RNF207: variants seen among roughly 807,000 people sequenced by gnomAD.
RNF207 encodes the protein ring finger protein 207, also known as OTTHUMG00000001089.
RNF207 carries 72 observed loss-of-function variants against 79.0 expected under a neutral mutation model. That is an observed-to-expected ratio of 0.91 (90% CI 0.75 to 1.11). RNF207 has a LOEUF of 1.11. Among genes scored for constraint, RNF207 ranks in the 50% least tolerant of loss-of-function variants. The pLI is 0.00. For missense variants in RNF207, 936 were observed against 855.8 expected (o/e 1.09, Z -1.17); for synonymous variants, 348 against 366.2 (o/e 0.95, Z 0.57).
chr1:6,219,360 CAG>C lies in RNF207; in HGVS notation c.1860_1861del (p.Asn622TrpfsTer92), dbSNP rs1228543142. ...AAATATGGATCATCACAGATCCAAA[CAG>C]AAAAATGGGGGCGATGTCCCCACAT... ...LKNMDHHRSK[Q>X]KNGGDVPTWR... is the part of the protein sequence containing the mutation. On this transcript the variant is annotated frameshift_variant, in exon 18 of 18. Coordinates refer to ENST00000377939, the MANE Select transcript of RNF207 (RefSeq NM_207396.3). LOFTEE classifies it low-confidence loss of function (END_TRUNC). The C allele has an allele frequency of 9.9e-6, 16 of 1,611,680 alleles. No homozygotes were observed. The highest frequency in any genetic ancestry group is 1.3e-5 in the Non-Finnish European group (15 of 1,179,336).
chr1:6,208,700 GC>G, intron 3 of RNF207, 180 bp from the exon 4 acceptor site: 1 of 607,422 alleles, frequency 1.6e-6, no homozygotes, highest in Non-Finnish European at 2.8e-6. Flanking sequence ...GAGCCGCAGT[GC>G]CCTCCTCTGT....
chr1:6,209,295 G>A lies in RNF207; in HGVS notation c.579G>A (p.Leu193=), dbSNP rs1217623870. 1.3e-6 allele frequency: 2 copies of A among 1,548,554 alleles called. No homozygotes were observed. Among genetic ancestry groups the A allele is most frequent in the African/African-American group, 2.7e-5 (2 of 73,162 alleles). Residue 193 remains leucine (L), a synonymous_variant, in exon 6 of 18, where the codon CTG becomes CTA. Transcript: ENST00000377939. ...AGAGCCGGGCACACTGCGTGGACCT[G>A]GAATCGGCTTACGTGCAGGGCTGCG... ...QKESRAHCVD[L]ESAYVQGCER...
At chr1:6,218,215 G>C (rs1668425615) in intron 16 of RNF207, 74 bp from the exon 17 acceptor site, 2 of 988,554 alleles carry the variant, frequency 2.0e-6, no homozygotes, top group Non-Finnish European at 3.2e-6. Context: ...GTCTGGTTCT[G>C]AGGTTTCTGA....
Position 6,209,163 on chromosome 1 carries a change from T to C in RNF207, c.518T>C (p.Leu173Pro). 1.3e-6 allele frequency: 2 copies of C among 1,557,440 alleles called. No homozygotes were observed. The highest frequency in any genetic ancestry group is 1.7e-6 in the Non-Finnish European group (2 of 1,150,140). ...YLLFSTDKKL[L>P]LCIRCFRDMQ... ...TTGTTCTCCACCGACAAGAAGTTGC[T>C]GTTGTGCATCCGCTGCTTCCGCGAC... is the stretch of plus-strand genomic sequence containing the variant. The change falls in exon 5 of 18, where the codon CTG (leucine) becomes CCG (proline). Residue 173 changes from leucine to proline, a missense_variant. Transcript: ENST00000377939.
rs1399310821 is a variant in RNF207, at chr1:6,208,893, A to G, written c.337A>G (p.Thr113Ala). Residue 113 changes from threonine to alanine, a missense_variant, in exon 4 of 18, where the codon ACG becomes GCG. Thr to Ala is a moderately conservative substitution (Grantham distance 58). Transcript: ENST00000377939. ...GCTCGGCCCGCAGGACGTGGAGACC[A>G]CGTACTTCTGCAACACGTGCGGACA... ...LECSEQDVET[T>A]YFCNTCGQPL... 2.0e-6 allele frequency: 3 copies of G among 1,532,002 alleles called. No homozygotes were observed. Among genetic ancestry groups the G allele is most frequent in the Non-Finnish European group, 2.6e-6 (3 of 1,144,574 alleles). The allele number at this position is 1,532,002 out of a possible 1,614,324, so 94.9% of individuals were successfully genotyped here. A position where few individuals can be genotyped will look rare whatever the true frequency, so the allele number is the denominator to read the frequency against.
rs1294331645 is a variant in RNF207 at position 6,220,969 on chromosome 1, C to T, written c.*1562C>T. ...ATCACTCACATTGACGTCCACTGTC[C>T]CTGCACCTGCTACTTCAGGGGCACT... On this transcript the variant is annotated 3_prime_UTR_variant, in exon 18 of 18. Transcript: ENST00000377939. 3 of 152,224 alleles carry T rather than the reference C, an allele frequency of 2.0e-5. 1 individual carries two copies. In the South Asian group the frequency reaches 6.2e-4, roughly 32 times the overall value. The allele number at this position is 152,224 out of a possible 1,614,324, so 9.4% of individuals were successfully genotyped here.
At chr1:6,209,800 C>T in intron 7 of RNF207, 124 bp from the exon 8 acceptor site, 1 of 1,102,980 alleles carries the variant, frequency 9.1e-7, no homozygotes, top group Non-Finnish European at 1.3e-6. Flanking sequence ...GCAGCAGATG[C>T]AGGGCTGGTA....
In RNF207 at chr1:6,217,611, C is replaced by T. The variant is rs1483404471; in HGVS notation, c.1653-678C>T. Among the ~76,000 whole-genome samples, 1 of 152,156 alleles carries T rather than the reference C, an allele frequency of 6.6e-6. No homozygotes were observed. On this transcript the variant is annotated intron_variant, in intron 16 of 17. Coordinates refer to ENST00000377939, the MANE Select transcript of RNF207 (RefSeq NM_207396.3). This position sits in a 1 kb window ranked among gnomAD's most constrained non-coding sequence, Gnocchi z 4.2. Reference sequence around the variant, plus strand: ...AAAAGCCTGGGAGAAAGCCTGGATTCCTTTCACCCACTTCATTTCCAACCC... The same window carrying T: ...AAAAGCCTGGGAGAAAGCCTGGATTTCTTTCACCCACTTCATTTCCAACCC...
intron 16 of RNF207, among the ~76,000 whole-genome samples, chr1:6,214,907 A>G (rs1020667379): frequency 2.0e-5 from 3 of 151,530 alleles, no homozygotes; most frequent in East Asian, 2.0e-4. Flanking sequence ...AGTGCTGGGC[A>G]TGAGCCACCA....
At chr1:6,210,468 C>T in intron 10 of RNF207, 30 bp downstream of exon 10, 1 of 1,578,632 alleles carries the variant, frequency 6.3e-7, no homozygotes. Flanking sequence ...GCAGATGCCC[C>T]CTCCCCACCA....
chr1:6,212,083 G>T, intron 13 of RNF207, 30 bp downstream of exon 13: 1 of 1,575,052 alleles, frequency 6.3e-7, no homozygotes, highest in Non-Finnish European at 8.6e-7. Context: ...CCGGAGGGGG[G>T]AGATGTCCTA....
chr1:6,209,448 C>T lies in RNF207; in HGVS notation c.662C>T (p.Ala221Val), dbSNP rs916918926. 11 of 1,515,484 alleles carry T rather than the reference C, an allele frequency of 7.3e-6. No homozygotes were observed. The highest frequency in any genetic ancestry group is 9.7e-6 in the Non-Finnish European group (11 of 1,137,070). The allele number at this position is 1,515,484 out of a possible 1,614,324, so 93.9% of individuals were successfully genotyped here. ...GCCCTGCAGACGGCCACGCGGGAGGCCATCGCGCTGCTGCAGGCCATGGTG... is the reference window on the plus strand; with the variant it reads ...GCCCTGCAGACGGCCACGCGGGAGGTCATCGCGCTGCTGCAGGCCATGGTG... ...VKALQTATREAIALLQAMVEE... is the reference protein window; with the variant it reads ...VKALQTATREVIALLQAMVEE... The change falls in exon 7 of 18, where the codon GCC (alanine) becomes GTC (valine). Residue 221 changes from alanine (A) to valine (V), a missense_variant. Transcript: ENST00000377939.
At chr1:6,218,524 C>T (rs1668440496) in intron 17 of RNF207, among the ~76,000 whole-genome samples, 155 bp downstream of exon 17, 1 of 152,192 alleles carries the variant, frequency 6.6e-6, no homozygotes, top group South Asian at 2.1e-4. Context: ...AGGCTCTCAG[C>T]CCAGATGAGT....
Position 6,213,151 on chromosome 1 carries a change from C to T in RNF207, c.1620C>T (p.Ser540=), listed in dbSNP as rs1215607932. 7 of 1,613,110 alleles carry T rather than the reference C, an allele frequency of 4.3e-6. No homozygotes were observed. The highest frequency in any genetic ancestry group is 5.9e-6 in the Non-Finnish European group (7 of 1,179,568). The change falls in exon 16 of 18, where the codon TCC becomes TCT. Residue 540 remains serine, a synonymous_variant. Coordinates refer to ENST00000377939, the MANE Select transcript of RNF207 (RefSeq NM_207396.3). ...ITKQITPYVR[S]IAKVKERLEP... ...AGCAGATCACGCCCTACGTCCGCTC[C>T]ATTGCCAAGGTGAAGGAGCGGCTGG...
chr1:6,218,287 A>G lies in RNF207; in HGVS notation c.1653-2A>G. 2.5e-6 allele frequency: 4 copies of G among 1,612,632 alleles called. No individual in the cohort carries two copies. The highest frequency in any genetic ancestry group is 3.4e-6 in the Non-Finnish European group (4 of 1,178,642). ...AGATTCTGGTGCCCACTCCCTTGCC[A>G]GGTTTCAGGCACCCGTGGATGAGCA... On this transcript the variant is annotated splice_acceptor_variant, in intron 16 of 17. Coordinates refer to ENST00000377939, the MANE Select transcript of RNF207 (RefSeq NM_207396.3). LOFTEE classifies it high-confidence loss of function.
chr1:6,210,175 C>G, intron 8 of RNF207, 48 bp from the exon 9 acceptor site: 3 of 1,529,324 alleles, frequency 2.0e-6, no homozygotes, highest in Non-Finnish European at 2.7e-6. Flanking sequence ...TGGAACTGCC[C>G]GGCCCTGCTC....
At chr1:6,210,970 G>C (rs1435557776) in intron 11 of RNF207, 32 bp downstream of exon 11, 2 of 1,596,684 alleles carry the variant, frequency 1.3e-6, no homozygotes, top group Admixed American at 3.5e-5. Context: ...CCAGGGTCGG[G>C]GGCCCTGCAG....
Position 6,217,467 on chromosome 1 carries a change from C to G in RNF207, c.1653-822C>G, listed in dbSNP as rs1668398244. 6.6e-6 allele frequency among the ~76,000 whole-genome samples: 1 copy of G among 152,186 alleles called. No individual in the cohort carries two copies. The highest frequency in any genetic ancestry group is 2.1e-4 in the South Asian group (1 of 4,824). On this transcript the variant is annotated intron_variant, in intron 16 of 17. Transcript: ENST00000377939. The surrounding 1 kb of genome is among the most constrained non-coding windows in gnomAD (Gnocchi z 4.2). Reference sequence around the variant, plus strand: ...CCCACTGCCCCCTTCCTGGGCAGCCCTACCTGGATGTCTACAGGCACCGCG... The same window carrying G: ...CCCACTGCCCCCTTCCTGGGCAGCCGTACCTGGATGTCTACAGGCACCGCG...
At position 6,211,501 on chromosome 1, in the gene RNF207, T is replaced by C. The variant is rs966767406; in HGVS notation, c.1110-366T>C. On this transcript the variant is annotated intron_variant, in intron 12 of 17. Coordinates refer to ENST00000377939, the MANE Select transcript of RNF207 (RefSeq NM_207396.3). This position sits in a 1 kb window ranked among gnomAD's most constrained non-coding sequence, Gnocchi z 4.2. Reference sequence around the variant, plus strand: ...TTCCTGGACTCATCTGGAGAGGAGTTAGAAGAGATGCTGAAATGGCATGTG... The same window carrying C: ...TTCCTGGACTCATCTGGAGAGGAGTCAGAAGAGATGCTGAAATGGCATGTG... Among the ~76,000 whole-genome samples the C allele has an allele frequency of 6.6e-6, 1 of 151,978 alleles. No individual in the cohort carries two copies. Among genetic ancestry groups the C allele is most frequent in the African/African-American group, 2.4e-5 (1 of 41,370 alleles).
Sources: allele counts gnomAD v4.1 joint callset (sites outside exome capture counted in the v4.1 genomes callset), GRCh38; gene constraint gnomAD v4.1.1; non-coding constraint Gnocchi (gnomAD v3.1); transcripts MANE v1.5; gene names NCBI Gene and HGNC (gene_info 2026-07-23, HGNC 2026-07-21).